Variants in GBA1 observed in about 807,000 individuals in gnomAD.
The protein encoded by GBA1 is lysosomal acid glucosylceramidase.
chr1:155,235,247 C>T, the GBA1 span: 33 of 1,613,732 alleles, frequency 2.0e-5, no homozygotes, highest in South Asian at 5.5e-5. Context: ...AGTGCCACTG[C>T]GTCCAGGTCG....
the GBA1 span, chr1:155,238,039 G>A: frequency 3.7e-6 from 5 of 1,341,788 alleles, no homozygotes; most frequent in Non-Finnish European, 5.3e-6. Context: ...AGGACAGGCA[G>A]ATCTGGAAGT....
the GBA1 span, chr1:155,236,148 G>T: frequency 9.1e-7 from 1 of 1,097,390 alleles, no homozygotes; most frequent in Non-Finnish European, 1.4e-6. Flanking sequence ...CAGGCTAGCT[G>T]GGGAAAGCTG....
the GBA1 span, among the ~76,000 whole-genome samples, chr1:155,240,461 T>C: frequency 7.2e-5 from 11 of 151,934 alleles, no homozygotes; most frequent in East Asian, 2.1e-3. Context: ...AAGACTCTGT[T>C]TCAAAAGAAA....
the GBA1 span, chr1:155,235,352 T>G: frequency 6.2e-7 from 1 of 1,603,242 alleles, no homozygotes; most frequent in Non-Finnish European, 8.5e-7. Flanking sequence ...TCGGGGTACC[T>G]CCCATGAAAC....
the GBA1 span, chr1:155,239,510 G>C: frequency 2.4e-6 from 3 of 1,269,116 alleles, no homozygotes; most frequent in Admixed American, 3.9e-5. Context: ...CTGTCTCGCC[G>C]ACAGAATGGG....
chr1:155,241,377 T>G, the GBA1 span: 5 of 572,066 alleles, frequency 8.7e-6, no homozygotes, highest in Non-Finnish European at 1.6e-5. Flanking sequence ...ATATGCCCTA[T>G]AAAACTCTGG....
chr1:155,239,640 G>C, the GBA1 span: 1 of 1,614,186 alleles, frequency 6.2e-7, no homozygotes, highest in Non-Finnish European at 8.5e-7. Context: ...TACGATTTAA[G>C]TAGCAAATTT....
chr1:155,238,857 G>A, the GBA1 span: 56 of 611,738 alleles, frequency 9.2e-5, 1 homozygote, highest in Non-Finnish European at 1.5e-4. Context: ...GATAGGCGGT[G>A]AAATCTTATT....
At chr1:155,236,719 C>G in the GBA1 span, among the ~76,000 whole-genome samples, 2 of 151,872 alleles carry the variant, frequency 1.3e-5, no homozygotes, top group Non-Finnish European at 2.9e-5. Flanking sequence ...TCCTGAGTAG[C>G]TGGGACTACA....
the GBA1 span, chr1:155,241,121 G>A: frequency 8.1e-6 from 13 of 1,613,702 alleles, no homozygotes; most frequent in South Asian, 5.5e-5. Flanking sequence ...ATCCCCTCAG[G>A]GTCATTAGAT....
chr1:155,242,531 C>G, the GBA1 span, among the ~76,000 whole-genome samples: 11 of 152,026 alleles, frequency 7.2e-5, no homozygotes, highest in Non-Finnish European at 1.6e-4. Flanking sequence ...CCCAGCCATC[C>G]TTTTTGTTCT....
chr1:155,239,647 A>C, the GBA1 span: 1 of 1,614,156 alleles, frequency 6.2e-7, no homozygotes, highest in Non-Finnish European at 8.5e-7. Flanking sequence ...TAAGTAGCAA[A>C]TTTTGGGCAG....
At chr1:155,239,939 C>T in the GBA1 span, 2 of 1,614,108 alleles carry the variant, frequency 1.2e-6, no homozygotes, top group South Asian at 1.1e-5. Flanking sequence ...CATCCGTCGC[C>T]CACTGCGTGT....
At chr1:155,244,165 C>G in the GBA1 span, 1 of 152,196 alleles carries the variant, frequency 6.6e-6, no homozygotes, top group Non-Finnish European at 1.5e-5. Context: ...TTTGGCAGGC[C>G]GAGGCGGGCG....
the GBA1 span, chr1:155,237,313 T>C: frequency 4.3e-6 from 7 of 1,613,908 alleles, no homozygotes; most frequent in Non-Finnish European, 5.9e-6. Flanking sequence ...TGAAGGTCAC[T>C]GGAGCACCAT....
chr1:155,236,579 G>T, the GBA1 span: 1 of 875,212 alleles, frequency 1.1e-6, no homozygotes, highest in South Asian at 1.4e-5. Context: ...CAACTAGAGA[G>T]GTTTGGGGAG....
the GBA1 span, among the ~76,000 whole-genome samples, chr1:155,242,419 C>T: frequency 1.4e-4 from 22 of 151,898 alleles, no homozygotes; most frequent in Non-Finnish European, 2.6e-4. Flanking sequence ...GATGGGGTTT[C>T]ACTATGTTGG....
At chr1:155,240,867 C>G in the GBA1 span, 21 of 836,552 alleles carry the variant, frequency 2.5e-5, no homozygotes, top group African/African-American at 3.0e-4. Flanking sequence ...GTGCAGCTCT[C>G]CCTGCAACCC....
chr1:155,235,104 G>A, the GBA1 span: 56 of 1,301,658 alleles, frequency 4.3e-5, no homozygotes, highest in African/African-American at 6.0e-4. Context: ...AGAGGAGCTA[G>A]GGAGCAGGGA....
Sources: allele counts gnomAD v4.1 joint callset (sites outside exome capture counted in the v4.1 genomes callset), GRCh38; gene constraint gnomAD v4.1.1; transcripts MANE v1.5; gene names NCBI Gene and HGNC (gene_info 2026-07-23, HGNC 2026-07-21).